The following SCAPER variants were observed in gnomAD, a reference collection of about 807,000 sequenced individuals.
SCAPER encodes the protein S phase cyclin A-associated protein in the endoplasmic reticulum.
SCAPER carries 98 observed loss-of-function variants against 182.2 expected under a neutral mutation model. That is an observed-to-expected ratio of 0.54 (90% CI 0.46 to 0.64). SCAPER has a LOEUF of 0.64. Ranked by LOEUF, SCAPER falls within the 30% of genes least tolerant of loss-of-function variation. The pLI is 0.00. For synonymous variants in SCAPER, 605 were observed against 564.6 expected, an observed-to-expected ratio of 1.07 and a Z score of -1.01; for missense variants, 1,432 against 1,690.0, an observed-to-expected ratio of 0.85 and a Z score of 2.68.
intron 15 of SCAPER, among the ~76,000 whole-genome samples, chr15:76,750,770 C>T (rs1238236853): frequency 6.6e-6 from 1 of 151,728 alleles, no homozygotes; most frequent in South Asian, 2.1e-4. Flanking sequence ...TATGAAAAAA[C>T]CTCAACAAAT....
rs118176370 is a variant in SCAPER, at chr15:76,612,313, C to G, written c.2711+9451G>C. Among the ~76,000 whole-genome samples the G allele has an allele frequency of 3.9e-5, 6 of 152,318 alleles. No individual in the cohort carries two copies. The East Asian group carries it at 1.2e-3, about 29-fold the overall frequency. On this transcript the variant is annotated intron_variant, in intron 22 of 31. Coordinates refer to ENST00000563290, the MANE Select transcript of SCAPER (RefSeq NM_020843.4). ...GGTGCAGTAGTGCAATTTCGGCTCA[C>G]TGCAGCCTGGACCTCCCAGGCTCAG...
intron 26 of SCAPER, among the ~76,000 whole-genome samples, chr15:76,426,373 T>C (rs2046429822): frequency 1.3e-5 from 2 of 152,116 alleles, no homozygotes; most frequent in African/African-American, 4.8e-5. Flanking sequence ...GTGCTAGCAA[T>C]GAGTGAGGCT....
At chr15:76,399,454 G>A (rs1025619248) in intron 27 of SCAPER, among the ~76,000 whole-genome samples, 1 of 152,156 alleles carries the variant, frequency 6.6e-6, no homozygotes, top group Non-Finnish European at 1.5e-5. Context: ...ATTTCTGAGA[G>A]TCCCATTACA....
chr15:76,802,651 G>T (rs988015383), intron 6 of SCAPER, among the ~76,000 whole-genome samples: 14 of 152,086 alleles, frequency 9.2e-5, no homozygotes, highest in African/African-American at 3.1e-4. Flanking sequence ...TTCTCCCTTG[G>T]AATTCCTTTA....
At chr15:76,760,899 T>C (rs1461145139) in intron 14 of SCAPER, among the ~76,000 whole-genome samples, 1 of 152,230 alleles carries the variant, frequency 6.6e-6, no homozygotes, top group Non-Finnish European at 1.5e-5. Flanking sequence ...TGTTCCCTCT[T>C]CTTTTATTTT....
rs114725148 is a variant in SCAPER, at chr15:76,564,673, T to A, written c.2838+9485A>T. Among the ~76,000 whole-genome samples, 1,004 of 152,088 alleles carry A rather than the reference T, an allele frequency of 6.6e-3. 4 individuals are homozygous for A. The highest frequency in any genetic ancestry group is 0.022 in the African/African-American group (898 of 41,546). The stretch of plus-strand genomic sequence containing the variant: ...GAACTAAAAAAAGAAAAATTTTTTT[T>A]AAATTCATATGGAAGCAGAAAAGAG... On this transcript the variant is annotated intron_variant, in intron 23 of 31. Coordinates refer to ENST00000563290, the MANE Select transcript of SCAPER (RefSeq NM_020843.4).
intron 26 of SCAPER, among the ~76,000 whole-genome samples, chr15:76,421,372 T>G (rs2046026253): frequency 6.6e-6 from 1 of 152,260 alleles, no homozygotes; most frequent in Admixed American, 6.5e-5. Context: ...TGATGGCCAG[T>G]GATGATGAGC....
intron 23 of SCAPER, among the ~76,000 whole-genome samples, chr15:76,572,919 T>TCTCACACACACACACACA (rs1477852757): frequency 6.7e-5 from 9 of 135,264 alleles, no homozygotes; most frequent in African/African-American, 2.2e-4. Context: ...TCTCTCTCTC[T>TCTCACACACACACACACA]CACACACACA....
intron 17 of SCAPER, among the ~76,000 whole-genome samples, chr15:76,721,110 T>G (rs1360671478): frequency 6.6e-6 from 1 of 152,220 alleles, no homozygotes; most frequent in African/African-American, 2.4e-5. Flanking sequence ...GTATAAGGTG[T>G]AAGGAAGGGA....
chr15:76,848,735 T>G, intron 4 of SCAPER, among the ~76,000 whole-genome samples: 1 of 152,230 alleles, frequency 6.6e-6, no homozygotes, highest in South Asian at 2.1e-4. Context: ...TATCTTAATA[T>G]GTAATTTTTA....
At chr15:76,459,137 C>T (rs941617703) in intron 25 of SCAPER, among the ~76,000 whole-genome samples, 2 of 152,162 alleles carry the variant, frequency 1.3e-5, no homozygotes, top group African/African-American at 4.8e-5. Context: ...AGTGACCCTC[C>T]TGCCTTGGCC....
chr15:76,675,755 T>G (rs2057332037), intron 20 of SCAPER, among the ~76,000 whole-genome samples: 1 of 152,132 alleles, frequency 6.6e-6, no homozygotes, highest in South Asian at 2.1e-4. Flanking sequence ...CCAATACACT[T>G]GAACGCTTCT....
chr15:76,891,707 A>T (rs999906791), intron 1 of SCAPER, among the ~76,000 whole-genome samples: 4 of 152,242 alleles, frequency 2.6e-5, no homozygotes, highest in African/African-American at 9.6e-5. Flanking sequence ...CATGGATAGG[A>T]AGAATCAATT....
At chr15:76,691,798 C>T (rs976542275) in intron 20 of SCAPER, among the ~76,000 whole-genome samples, 13 of 152,110 alleles carry the variant, frequency 8.5e-5, no homozygotes, top group Admixed American at 2.0e-4. Context: ...CTTCTGTACA[C>T]ATGATATCAC....
chr15:76,536,725 G>A lies in SCAPER; in HGVS notation c.2839-31751C>T, dbSNP rs2044198365. 2.6e-5 allele frequency among the ~76,000 whole-genome samples: 4 copies of A among 151,998 alleles called. No homozygotes were observed. In the South Asian group the frequency reaches 8.3e-4, roughly 32 times the overall value. ...TGGAAGTTCTGGCCAGGGCAATTAGGCAGGAGAAGGAAATAAAGGGTATTC... is the reference window on the plus strand; with the variant it reads ...TGGAAGTTCTGGCCAGGGCAATTAGACAGGAGAAGGAAATAAAGGGTATTC... On this transcript the variant is annotated intron_variant, in intron 23 of 31. Coordinates refer to ENST00000563290, the MANE Select transcript of SCAPER (RefSeq NM_020843.4).
chr15:76,891,725 A>C (rs1008136792), intron 1 of SCAPER, among the ~76,000 whole-genome samples: 34 of 152,182 alleles, frequency 2.2e-4, no homozygotes, highest in Admixed American at 2.2e-3. Flanking sequence ...ATTTCATGAA[A>C]ATGGCCATAC....
chr15:76,419,560 A>G (rs529858089), intron 26 of SCAPER, among the ~76,000 whole-genome samples: 154 of 152,124 alleles, frequency 1.0e-3, no homozygotes, highest in Non-Finnish European at 1.8e-3. Context: ...GTCTCTACGA[A>G]AAATACAAAA....
At position 76,854,184 on chromosome 15, in the gene SCAPER, G is replaced by A. The variant is rs143407417; in HGVS notation, c.195+3625C>T. 3.5e-3 allele frequency among the ~76,000 whole-genome samples: 529 copies of A among 152,014 alleles called. 5 individuals carry two copies. Among genetic ancestry groups the A allele is most frequent in the African/African-American group, 0.012 (492 of 41,454 alleles). On this transcript the variant is annotated intron_variant, in intron 4 of 31. Coordinates refer to ENST00000563290, the MANE Select transcript of SCAPER (RefSeq NM_020843.4). ...CTCAGGAGGCTGAGGCAGGAGAATC[G>A]CTTGAACCCAGGAGGCGGAGGTTGT... is the stretch of plus-strand genomic sequence containing the variant.
intron 5 of SCAPER, among the ~76,000 whole-genome samples, chr15:76,839,746 C>T (rs1457140511): frequency 6.6e-6 from 1 of 152,114 alleles, no homozygotes; most frequent in Non-Finnish European, 1.5e-5. Flanking sequence ...GAATAAGTGA[C>T]AGAACCAGAA....
Sources: allele counts gnomAD v4.1 joint callset (sites outside exome capture counted in the v4.1 genomes callset), GRCh38; gene constraint gnomAD v4.1.1; transcripts MANE v1.5; gene names NCBI Gene and HGNC (gene_info 2026-07-23, HGNC 2026-07-21).